The following SETBP1 variants were observed in gnomAD, a reference collection of about 807,000 sequenced individuals.
SETBP1 encodes the protein SET-binding protein.
In SETBP1, 9 loss-of-function variants were observed where a neutral mutation model predicts 101.0. The ratio of observed to expected loss-of-function variants is 0.09; its 90% CI spans 0.05 to 0.16. SETBP1 has a LOEUF of 0.16. SETBP1 is among the 10% of genes least tolerant of loss of function. The pLI is 1.00. For synonymous variants in SETBP1, 818 were observed against 788.5 expected, an observed-to-expected ratio of 1.04 and a Z score of -0.63; for missense variants, 1,858 against 2,033.8, an observed-to-expected ratio of 0.91 and a Z score of 1.66.
intron 2 of SETBP1, among the ~76,000 whole-genome samples, chr18:44,783,702 T>C (rs887405544): frequency 6.6e-6 from 1 of 152,194 alleles, no homozygotes; most frequent in South Asian, 2.1e-4. Context: ...AATCCTATAA[T>C]ATAGGGATGG....
At chr18:44,872,845 C>T (rs1394904508) in intron 3 of SETBP1, among the ~76,000 whole-genome samples, 1 of 152,226 alleles carries the variant, frequency 6.6e-6, no homozygotes, top group Non-Finnish European at 1.5e-5. Flanking sequence ...AGTGGTGGAA[C>T]AGTGATGTGA....
chr18:44,895,977 C>G (rs1421393600), intron 3 of SETBP1, among the ~76,000 whole-genome samples: 3 of 152,152 alleles, frequency 2.0e-5, no homozygotes, highest in Non-Finnish European at 4.4e-5. Flanking sequence ...TCACCCCACC[C>G]TCCTTACACA....
chr18:44,871,410 T>G (rs568910186), intron 3 of SETBP1: 4 of 152,262 alleles, frequency 2.6e-5, no homozygotes, highest in African/African-American at 7.2e-5. Context: ...CATGGGTGTG[T>G]TCCCCTCCAA....
chr18:45,029,445 T>G (rs1466764005), intron 4 of SETBP1, among the ~76,000 whole-genome samples: 1 of 152,178 alleles, frequency 6.6e-6, no homozygotes, highest in African/African-American at 2.4e-5. Context: ...TCAGGTAGCG[T>G]GATGCCTCCA....
chr18:45,021,782 T>A (rs531581723), intron 4 of SETBP1, among the ~76,000 whole-genome samples: 1 of 152,308 alleles, frequency 6.6e-6, no homozygotes, highest in East Asian at 1.9e-4. Context: ...GCTGTCCTAA[T>A]GAATCAAATA....
At chr18:44,908,990 C>T (rs548685572) in intron 3 of SETBP1, among the ~76,000 whole-genome samples, 1 of 152,280 alleles carries the variant, frequency 6.6e-6, no homozygotes, top group African/African-American at 2.4e-5. Flanking sequence ...CATCATCACA[C>T]CTCTGGACTC....
At chr18:44,789,875 T>C (rs1313522659) in intron 2 of SETBP1, among the ~76,000 whole-genome samples, 3 of 152,206 alleles carry the variant, frequency 2.0e-5, no homozygotes, top group Non-Finnish European at 4.4e-5. Context: ...TTTTCCACAC[T>C]GATTCCTCCT....
chr18:45,044,020 T>C (rs914361411), intron 5 of SETBP1, among the ~76,000 whole-genome samples: 1 of 152,206 alleles, frequency 6.6e-6, no homozygotes, highest in African/African-American at 2.4e-5. Flanking sequence ...AATTTAAGAA[T>C]GATGCAATTA....
intron 2 of SETBP1, among the ~76,000 whole-genome samples, chr18:44,822,157 C>T (rs187779286): frequency 1.3e-4 from 20 of 152,326 alleles, no homozygotes; most frequent in African/African-American, 1.9e-4. Flanking sequence ...GTCTGGAACA[C>T]GAATTCCATG....
chr18:45,024,096 T>C (rs2073120773), intron 4 of SETBP1, among the ~76,000 whole-genome samples: 1 of 152,136 alleles, frequency 6.6e-6, no homozygotes. Context: ...AATGCTTCTG[T>C]CTCCATGTCT....
intron 3 of SETBP1, among the ~76,000 whole-genome samples, chr18:44,900,714 G>C (rs1408409832): frequency 6.6e-6 from 1 of 152,138 alleles, no homozygotes; most frequent in African/African-American, 2.4e-5. Flanking sequence ...ATTACTCTGG[G>C]GATTGGTCCC....
intron 3 of SETBP1, chr18:44,869,532 A>G (rs2069222288): frequency 2.0e-6 from 1 of 507,860 alleles, no homozygotes; most frequent in Admixed American, 3.2e-5. Context: ...TATAGAGATC[A>G]AGATGCTCGG....
intron 2 of SETBP1, among the ~76,000 whole-genome samples, chr18:44,711,773 C>A (rs2069352806): frequency 6.8e-6 from 1 of 148,108 alleles, no homozygotes; most frequent in South Asian, 2.1e-4. Flanking sequence ...GAACTGGCCT[C>A]AAGCAATCCT....
chr18:44,748,435 C>T (rs1000328514), intron 2 of SETBP1, among the ~76,000 whole-genome samples: 6 of 152,298 alleles, frequency 3.9e-5, no homozygotes, highest in Admixed American at 1.3e-4. Flanking sequence ...GCACACAAGC[C>T]TGGGGAAGAG....
intron 2 of SETBP1, among the ~76,000 whole-genome samples, chr18:44,799,167 CATCTT>C (rs1483698419): frequency 4.1e-4 from 63 of 152,260 alleles, no homozygotes; most frequent in Middle Eastern, 3.4e-3. Context: ...CTGTCATTAA[CATCTT>C]ATATTTGTGT....
chr18:44,693,352 G>A (rs2068965108), intron 1 of SETBP1, among the ~76,000 whole-genome samples: 6 of 152,136 alleles, frequency 3.9e-5, no homozygotes, highest in Admixed American at 3.9e-4. Context: ...ATCATCTAGT[G>A]GAGAAGGCAG....
intron 2 of SETBP1, among the ~76,000 whole-genome samples, chr18:44,864,309 T>A (rs2069082250): frequency 6.6e-6 from 1 of 152,004 alleles, no homozygotes; most frequent in African/African-American, 2.4e-5. Context: ...GAACAGAGTT[T>A]GAAAAAGACA....
intron 2 of SETBP1, among the ~76,000 whole-genome samples, chr18:44,716,752 G>A (rs2069474419): frequency 6.6e-6 from 1 of 152,066 alleles, no homozygotes; most frequent in Admixed American, 6.6e-5. Context: ...TAGTAGAGAA[G>A]GTGTTTCCCC....
At chr18:44,914,566 A>G (rs1029279425) in intron 3 of SETBP1, among the ~76,000 whole-genome samples, 4 of 152,198 alleles carry the variant, frequency 2.6e-5, no homozygotes, top group African/African-American at 9.7e-5. Context: ...ATCACCTTTT[A>G]GATTCTAATA....
Sources: gnomAD v4.1 joint callset for allele counts (sites outside exome capture counted in the v4.1 genomes callset) on GRCh38, gnomAD v4.1.1 for gene constraint, MANE v1.5 for transcripts, NCBI Gene and HGNC (gene_info 2026-07-23, HGNC 2026-07-21) for gene names.